Variants in CNTNAP5 observed in about 807,000 individuals in gnomAD.
CNTNAP5 encodes the protein contactin-associated protein-like 5.
Under a neutral mutation model 150.2 loss-of-function variants are expected in CNTNAP5, and 72 were observed. The ratio of observed to expected loss-of-function variants is 0.48; its 90% CI spans 0.40 to 0.58. The LOEUF (loss-of-function observed/expected upper bound fraction) is 0.58. Among genes scored for constraint, CNTNAP5 ranks in the 20% least tolerant of loss-of-function variants. CNTNAP5 has a pLI of 0.00. For synonymous variants in CNTNAP5, 672 were observed against 619.8 expected (o/e 1.08, Z -1.25); for missense variants, 1,636 against 1,626.2 (o/e 1.01, Z -0.10).
At chr2:124,171,429 T>A (rs1411452778) in intron 1 of CNTNAP5, among the ~76,000 whole-genome samples, 3 of 152,096 alleles carry the variant, frequency 2.0e-5, no homozygotes, top group Non-Finnish European at 4.4e-5. Flanking sequence ...TTTGAGCTGT[T>A]CTCTTGATAT....
chr2:124,081,767 T>C (rs1682563666), intron 1 of CNTNAP5, among the ~76,000 whole-genome samples: 2 of 152,224 alleles, frequency 1.3e-5, no homozygotes, highest in Non-Finnish European at 2.9e-5. Context: ...TTAATTGACC[T>C]GTTCATTTTG....
intron 1 of CNTNAP5, among the ~76,000 whole-genome samples, chr2:124,128,754 C>T (rs977483032): frequency 6.9e-6 from 1 of 144,784 alleles, no homozygotes. Context: ...AGTTCATGTC[C>T]TTTGTAGGGA....
intron 13 of CNTNAP5, among the ~76,000 whole-genome samples, chr2:124,737,505 C>T (rs573334905): frequency 6.6e-5 from 10 of 152,196 alleles, no homozygotes; most frequent in African/African-American, 2.4e-4. Flanking sequence ...GGGCAGGGCA[C>T]AGGCTGGATT....
chr2:124,907,505 G>A (rs914524078), intron 22 of CNTNAP5, among the ~76,000 whole-genome samples: 3 of 147,964 alleles, frequency 2.0e-5, no homozygotes, highest in Non-Finnish European at 3.0e-5. Flanking sequence ...ATATAGATAT[G>A]TATGTATAAT....
chr2:124,025,913 C>T (rs1680874807), intron 1 of CNTNAP5, among the ~76,000 whole-genome samples, 181 bp downstream of exon 1: 1 of 152,156 alleles, frequency 6.6e-6, no homozygotes, highest in African/African-American at 2.4e-5. Context: ...CTCAAATGAG[C>T]CAACCGTGCT....
At chr2:124,882,763 A>G (rs924264742) in intron 21 of CNTNAP5, among the ~76,000 whole-genome samples, 1 of 152,064 alleles carries the variant, frequency 6.6e-6, no homozygotes, top group Non-Finnish European at 1.5e-5. Flanking sequence ...ATAAAGAAAA[A>G]GAGGTTTAGA....
chr2:124,902,805 T>C (rs1238447269), intron 21 of CNTNAP5, 77 bp from the exon 22 acceptor site: 1 of 935,042 alleles, frequency 1.1e-6, no homozygotes, highest in South Asian at 1.9e-5. Flanking sequence ...TTTTAGATAC[T>C]ACTCAAAGAG....
chr2:124,446,732 G>C (rs1214693917), intron 5 of CNTNAP5, 21 bp from the exon 6 acceptor site: 1 of 1,607,160 alleles, frequency 6.2e-7, no homozygotes, highest in African/African-American at 1.3e-5. Context: ...ACATCATCTT[G>C]CCTCTCTCCC....
chr2:124,422,292 CA>C (rs1692123933), intron 4 of CNTNAP5, among the ~76,000 whole-genome samples: 1 of 152,178 alleles, frequency 6.6e-6, no homozygotes, highest in Non-Finnish European at 1.5e-5. Context: ...ATAGTTTCTT[CA>C]GACTTAACTC....
rs1283006955 is a variant in CNTNAP5 at position 124,025,542 on chromosome 2, G to C, written c.-109G>C. The C allele has an allele frequency of 5.7e-6, 5 of 884,942 alleles. No individual in the cohort carries two copies. Among genetic ancestry groups the C allele is most frequent in the African/African-American group, 3.3e-5 (2 of 61,050 alleles). The allele number at this position is 884,942 out of a possible 1,614,324, so 54.8% of individuals were successfully genotyped here. A position where few individuals can be genotyped will look rare whatever the true frequency, so the allele number is the denominator to read the frequency against. Reference sequence around the variant, plus strand: ...GAAAGAGCGAGTGCCTCTCCAAGCGGGGGTGGGAGGGGGTCAGGCTGTGCA... The same window carrying C: ...GAAAGAGCGAGTGCCTCTCCAAGCGCGGGTGGGAGGGGGTCAGGCTGTGCA... On this transcript the variant is annotated 5_prime_UTR_variant, in exon 1 of 24. Coordinates refer to ENST00000682447, the MANE Select transcript of CNTNAP5 (RefSeq NM_001367498.1).
intron 21 of CNTNAP5, among the ~76,000 whole-genome samples, chr2:124,888,410 G>A (rs575402885): frequency 5.5e-4 from 84 of 152,148 alleles, no homozygotes; most frequent in Non-Finnish European, 5.6e-4. Context: ...ATGAACATAT[G>A]AGCACATGTG....
At chr2:124,763,379 T>C (rs2104599969) in intron 14 of CNTNAP5, among the ~76,000 whole-genome samples, 1 of 152,280 alleles carries the variant, frequency 6.6e-6, no homozygotes, top group African/African-American at 2.4e-5. Flanking sequence ...CACATTGAGC[T>C]GGTGGGCTGC....
chr2:124,407,326 G>A (rs1691598687), intron 3 of CNTNAP5, among the ~76,000 whole-genome samples: 2 of 151,976 alleles, frequency 1.3e-5, no homozygotes, highest in South Asian at 2.1e-4. Flanking sequence ...TATTTATTTT[G>A]TTCATGGAAC....
In CNTNAP5 at chr2:124,291,544, G is replaced by GT. The variant is rs752708389; in HGVS notation, c.381+49162dup. ...GCCACATTTTAAGATATTTTCTTCT[G>GT]TTTTTTTTTTTATATGCGTAGACCT... On this transcript the variant is annotated intron_variant, in intron 3 of 23. Transcript: ENST00000682447. 5.1e-3 allele frequency among the ~76,000 whole-genome samples: 729 copies of GT among 143,820 alleles called. 3 individuals carry two copies. The highest frequency in any genetic ancestry group is 7.4e-3 in the Middle Eastern group (2 of 272). 94.4% of individuals were successfully genotyped at this position (143,820 alleles called of 152,430 possible).
At chr2:124,191,264 T>C (rs1685450925) in intron 1 of CNTNAP5, among the ~76,000 whole-genome samples, 1 of 152,160 alleles carries the variant, frequency 6.6e-6, no homozygotes, top group African/African-American at 2.4e-5. Flanking sequence ...CTTTTTGGTG[T>C]GGGATGTTTG....
chr2:124,898,700 A>C (rs966402242), intron 21 of CNTNAP5, among the ~76,000 whole-genome samples: 2 of 151,562 alleles, frequency 1.3e-5, no homozygotes, highest in African/African-American at 4.9e-5. Context: ...AATGTAGTAG[A>C]GTTCCACAGC....
chr2:124,913,868 G>C (rs940131957), intron 23 of CNTNAP5, among the ~76,000 whole-genome samples: 1 of 152,026 alleles, frequency 6.6e-6, no homozygotes, highest in African/African-American at 2.4e-5. Context: ...GGTTGAAAGT[G>C]TCTCTCGCCC....
intron 1 of CNTNAP5, among the ~76,000 whole-genome samples, chr2:124,220,156 A>G (rs1686267758): frequency 6.6e-6 from 1 of 151,968 alleles, no homozygotes; most frequent in Admixed American, 6.6e-5. Flanking sequence ...AAAAAAAAAA[A>G]TAAATCAAAC....
intron 3 of CNTNAP5, among the ~76,000 whole-genome samples, chr2:124,337,103 A>C (rs868337404): frequency 7.9e-5 from 12 of 151,978 alleles, no homozygotes; most frequent in African/African-American, 2.4e-4. Flanking sequence ...TGTGGTTTTG[A>C]TTTGCATTTC....
Sources: gnomAD v4.1 joint callset for allele counts (sites outside exome capture counted in the v4.1 genomes callset) on GRCh38, gnomAD v4.1.1 for gene constraint, MANE v1.5 for transcripts, NCBI Gene and HGNC (gene_info 2026-07-23, HGNC 2026-07-21) for gene names.